Variants in STAG1 observed in about 807,000 individuals in gnomAD.
The protein encoded by STAG1 is STAG1 cohesin complex component.
A neutral mutation model predicts 170.9 loss-of-function variants in STAG1; 26 were observed. The observed-to-expected ratio is 0.15, with a 90% CI of 0.11 to 0.21. The LOEUF (loss-of-function observed/expected upper bound fraction) is 0.21. Ranked by LOEUF, STAG1 falls within the 10% of genes least tolerant of loss-of-function variation. The pLI is 1.00. For missense variants in STAG1, 964 were observed against 1,509.5 expected (o/e 0.64, Z 5.99); for synonymous variants, 514 against 497.7 (o/e 1.03, Z -0.44).
At chr3:136,394,379 G>A (rs568707108) in intron 22 of STAG1, among the ~76,000 whole-genome samples, 95 of 152,288 alleles carry the variant, frequency 6.2e-4, no homozygotes, top group African/African-American at 2.2e-3. Flanking sequence ...AATAACTTGA[G>A]AGACAAATAC....
At chr3:136,639,879 T>C (rs536480219) in intron 1 of STAG1, among the ~76,000 whole-genome samples, 5 of 152,174 alleles carry the variant, frequency 3.3e-5, no homozygotes, top group Non-Finnish European at 5.9e-5. Context: ...CTTTAAACTA[T>C]GTATGTGTGT....
At chr3:136,555,713 A>G (rs772945403) in intron 5 of STAG1, among the ~76,000 whole-genome samples, 77 of 151,960 alleles carry the variant, frequency 5.1e-4, no homozygotes, top group Non-Finnish European at 9.9e-4. Context: ...CAGTCAATCA[A>G]TCAATCAAGT....
intron 28 of STAG1, among the ~76,000 whole-genome samples, chr3:136,352,044 A>T (rs1936451798): frequency 6.6e-6 from 1 of 152,258 alleles, no homozygotes; most frequent in African/African-American, 2.4e-5. Flanking sequence ...TCATCCAAGT[A>T]ACTAAACAAA....
At chr3:136,538,417 TTTTTTTTTTTC>T (rs1200105934) in intron 6 of STAG1, among the ~76,000 whole-genome samples, 2 of 151,210 alleles carry the variant, frequency 1.3e-5, no homozygotes, top group Non-Finnish European at 3.0e-5. Context: ...TAGTTACTTT[TTTTTTTTTTTC>T]TTTTTTGAGA....
intron 12 of STAG1, among the ~76,000 whole-genome samples, chr3:136,468,817 C>G (rs535992370): frequency 6.6e-6 from 1 of 151,968 alleles, no homozygotes; most frequent in African/African-American, 2.4e-5. Flanking sequence ...CCCTGGGATG[C>G]AAGGCTGGTT....
chr3:136,386,947 A>G (rs2086889055), intron 22 of STAG1, among the ~76,000 whole-genome samples: 1 of 152,242 alleles, frequency 6.6e-6, no homozygotes, highest in Non-Finnish European at 1.5e-5. Flanking sequence ...ACAGTAAAGT[A>G]GCAAAACAAG....
At chr3:136,544,175 A>G (rs1936037993) in intron 5 of STAG1, among the ~76,000 whole-genome samples, 1 of 152,208 alleles carries the variant, frequency 6.6e-6, no homozygotes. Flanking sequence ...GGGGTAAGTT[A>G]AGACAATGAT....
chr3:136,505,029 A>G (rs759005947), intron 7 of STAG1, among the ~76,000 whole-genome samples: 1 of 152,214 alleles, frequency 6.6e-6, no homozygotes, highest in Non-Finnish European at 1.5e-5. Flanking sequence ...CTGAGACTTC[A>G]TTGAATAACA....
At chr3:136,377,521 T>C in intron 23 of STAG1, 139 bp downstream of exon 23, 1 of 603,802 alleles carries the variant, frequency 1.7e-6, no homozygotes. Context: ...AATTCACACA[T>C]CTACAGTCTT....
chr3:136,426,579 A>G (rs567373989), intron 16 of STAG1, among the ~76,000 whole-genome samples: 86 of 152,224 alleles, frequency 5.6e-4, no homozygotes, highest in Admixed American at 4.6e-4. Context: ...AAATTTATCA[A>G]AACTCACACA....
chr3:136,619,558 G>A (rs1939747947), intron 3 of STAG1, among the ~76,000 whole-genome samples: 1 of 151,610 alleles, frequency 6.6e-6, no homozygotes, highest in Non-Finnish European at 1.5e-5. Context: ...GGGAGTTCAA[G>A]CCAGCCTGGC....
At chr3:136,749,288 A>C (rs1358653078) in intron 1 of STAG1, among the ~76,000 whole-genome samples, 1 of 152,200 alleles carries the variant, frequency 6.6e-6, no homozygotes, top group Non-Finnish European at 1.5e-5. Context: ...GGAAATAGGG[A>C]GACTGACTCC....
intron 12 of STAG1, among the ~76,000 whole-genome samples, chr3:136,467,109 A>C (rs2089485834): frequency 6.6e-6 from 1 of 152,180 alleles, no homozygotes; most frequent in Non-Finnish European, 1.5e-5. Flanking sequence ...TGAGCAAAAT[A>C]ACCAGCTAAC....
intron 28 of STAG1, among the ~76,000 whole-genome samples, chr3:136,352,361 T>C (rs1385424748): frequency 6.6e-6 from 1 of 152,074 alleles, no homozygotes; most frequent in Admixed American, 6.5e-5. Flanking sequence ...GGGTTTGCCA[T>C]GTTGCCCAGG....
At chr3:136,723,790 T>C (rs1381143853) in intron 1 of STAG1, among the ~76,000 whole-genome samples, 1 of 118,350 alleles carries the variant, frequency 8.4e-6, no homozygotes, top group Non-Finnish European at 1.7e-5. Flanking sequence ...GGTGGGGGGG[T>C]CAGCCCCCCG....
chr3:136,537,408 G>A (rs897583892), intron 6 of STAG1, among the ~76,000 whole-genome samples: 2 of 151,984 alleles, frequency 1.3e-5, no homozygotes, highest in East Asian at 1.9e-4. Flanking sequence ...AGTAGAAATG[G>A]CATTCCTCAC....
At chr3:136,584,834 T>C (rs575871347) in intron 4 of STAG1, among the ~76,000 whole-genome samples, 3 of 152,182 alleles carry the variant, frequency 2.0e-5, no homozygotes, top group African/African-American at 7.2e-5. Context: ...TCCCAGCCCA[T>C]TAATGCTGCA....
At chr3:136,543,629 C>T (rs1404298851) in intron 5 of STAG1, among the ~76,000 whole-genome samples, 1 of 152,102 alleles carries the variant, frequency 6.6e-6, no homozygotes, top group Non-Finnish European at 1.5e-5. Context: ...CCATCAGTTA[C>T]CGGATATGGG....
chr3:136,616,952 C>T (rs1016716547), intron 3 of STAG1, among the ~76,000 whole-genome samples: 1 of 152,076 alleles, frequency 6.6e-6, no homozygotes, highest in South Asian at 2.1e-4. Context: ...AGTAACATAG[C>T]ATATACCCAT....
Sources: allele counts gnomAD v4.1 joint callset (sites outside exome capture counted in the v4.1 genomes callset), GRCh38; gene constraint gnomAD v4.1.1; transcripts MANE v1.5; gene names NCBI Gene and HGNC (gene_info 2026-07-23, HGNC 2026-07-21).